ALK: variants seen among roughly 807,000 people sequenced by gnomAD.
ALK encodes the protein ALK receptor tyrosine kinase.
ALK carries 74 observed loss-of-function variants against 163.1 expected under a neutral mutation model. The ratio of observed to expected loss-of-function variants is 0.45; its 90% CI spans 0.38 to 0.55. The LOEUF (loss-of-function observed/expected upper bound fraction) is 0.55. Among genes scored for constraint, ALK ranks in the 20% least tolerant of loss-of-function variants. The probability of loss-of-function intolerance (pLI) is 0.00; values close to 1 mark genes in which losing one functional copy is unlikely to be tolerated. For missense variants in ALK, 2,063 were observed against 2,105.3 expected, an observed-to-expected ratio of 0.98 and a Z score of 0.39; for synonymous variants, 960 against 843.2, an observed-to-expected ratio of 1.14 and a Z score of -2.40.
At chr2:29,546,079 C>T (rs764782490) in intron 3 of ALK, among the ~76,000 whole-genome samples, 5 of 152,178 alleles carry the variant, frequency 3.3e-5, no homozygotes, top group Non-Finnish European at 4.4e-5. Context: ...TACACATAAA[C>T]ATACACATAT....
At chr2:29,230,964 C>T (rs1664184119) in intron 15 of ALK, among the ~76,000 whole-genome samples, 1 of 152,220 alleles carries the variant, frequency 6.6e-6, no homozygotes, top group Non-Finnish European at 1.5e-5. Flanking sequence ...GACCCCCATA[C>T]CCGTTCTGCA....
intron 1 of ALK, among the ~76,000 whole-genome samples, chr2:29,720,601 T>C (rs772214193): frequency 6.6e-6 from 1 of 152,190 alleles, no homozygotes; most frequent in Non-Finnish European, 1.5e-5. Context: ...ATGAATGCAG[T>C]TGTTTTCCAA....
intron 11 of ALK, among the ~76,000 whole-genome samples, chr2:29,272,409 C>A (rs1665416748): frequency 6.6e-6 from 1 of 152,174 alleles, no homozygotes; most frequent in South Asian, 2.1e-4. Context: ...AGGATTTTCC[C>A]AGCCTGGAAA....
chr2:29,704,671 T>G (rs1678843814), intron 2 of ALK, among the ~76,000 whole-genome samples: 1 of 152,164 alleles, frequency 6.6e-6, no homozygotes, highest in African/African-American at 2.4e-5. Context: ...TCCTCCTGCA[T>G]GTATTCTTCT....
At chr2:29,780,329 G>A (rs1412631739) in intron 1 of ALK, among the ~76,000 whole-genome samples, 1 of 152,152 alleles carries the variant, frequency 6.6e-6, no homozygotes, top group African/African-American at 2.4e-5. Flanking sequence ...CCCATTTCCG[G>A]AAAGTGTGAA....
At chr2:29,661,625 T>G (rs940797460) in intron 3 of ALK, among the ~76,000 whole-genome samples, 2 of 152,204 alleles carry the variant, frequency 1.3e-5, no homozygotes, top group Non-Finnish European at 2.9e-5. Context: ...AAGGTATGAC[T>G]GTCTATTTGC....
At chr2:29,309,283 T>C (rs959106074) in intron 8 of ALK, among the ~76,000 whole-genome samples, 45 of 152,018 alleles carry the variant, frequency 3.0e-4, no homozygotes, top group African/African-American at 1.1e-3. Context: ...GTGACATGAA[T>C]GTGTTGCAAT....
At chr2:29,404,229 A>G (rs1669525180) in intron 4 of ALK, among the ~76,000 whole-genome samples, 1 of 150,924 alleles carries the variant, frequency 6.6e-6, no homozygotes, top group Admixed American at 6.6e-5. Flanking sequence ...ACTTGAACCC[A>G]GGAGGCGGAG....
chr2:29,354,797 C>T (rs1405419199), intron 5 of ALK, among the ~76,000 whole-genome samples: 27 of 146,724 alleles, frequency 1.8e-4, no homozygotes, highest in African/African-American at 4.8e-4. Flanking sequence ...GATGGAGTCT[C>T]GCTCTGTCAC....
At chr2:29,478,444 A>T (rs927231845) in intron 4 of ALK, among the ~76,000 whole-genome samples, 3 of 152,226 alleles carry the variant, frequency 2.0e-5, no homozygotes, top group Non-Finnish European at 4.4e-5. Flanking sequence ...CACTGGGCAT[A>T]TATGGAAACA....
At position 29,633,280 on chromosome 2, in the gene ALK, G is replaced by A. The variant is rs117860189; in HGVS notation, c.952+61570C>T. Among the ~76,000 whole-genome samples, 103 of 152,212 alleles carry A rather than the reference G, an allele frequency of 6.8e-4. No individual in the cohort carries two copies. The East Asian group carries it at 0.019, about 27-fold the overall frequency. ...ATCTTTAGAACATGCTGAAAAGGCTGCACTCTTGTTCTGAGCTCAGGAGGT... is the reference window on the plus strand; with the variant it reads ...ATCTTTAGAACATGCTGAAAAGGCTACACTCTTGTTCTGAGCTCAGGAGGT... On this transcript the variant is annotated intron_variant, in intron 3 of 28. Coordinates refer to ENST00000389048, the MANE Select transcript of ALK (RefSeq NM_004304.5).
At chr2:29,787,997 A>T (rs1415329287) in intron 1 of ALK, among the ~76,000 whole-genome samples, 1 of 152,230 alleles carries the variant, frequency 6.6e-6, no homozygotes, top group Non-Finnish European at 1.5e-5. Flanking sequence ...AAAACACATC[A>T]TCATTTGCAG....
At chr2:29,457,823 T>C (rs56067069) in intron 4 of ALK, among the ~76,000 whole-genome samples, 41,367 of 152,066 alleles carry the variant, frequency 0.27, 6,268 homozygotes, top group Non-Finnish European at 0.35. Context: ...TTCCTTCTCA[T>C]GGATGAGGAA....
chr2:29,343,745 G>T (rs1314517532), intron 5 of ALK, among the ~76,000 whole-genome samples: 1 of 152,122 alleles, frequency 6.6e-6, no homozygotes, highest in Admixed American at 6.5e-5. Flanking sequence ...AAAGCATATG[G>T]GGAGACTCTC....
At chr2:29,726,486 C>A (rs1322031050) in intron 1 of ALK, among the ~76,000 whole-genome samples, 2 of 152,156 alleles carry the variant, frequency 1.3e-5, no homozygotes, top group Non-Finnish European at 2.9e-5. Flanking sequence ...AGACCTTTTT[C>A]TTTTGGAGTG....
Position 29,667,976 on chromosome 2 carries a change from T to C in ALK, c.952+26874A>G, listed in dbSNP as rs79466387. On this transcript the variant is annotated intron_variant, in intron 3 of 28. Coordinates refer to ENST00000389048, the MANE Select transcript of ALK (RefSeq NM_004304.5). ...CTTCAATCTCATTACTCATTATTAGTTTATTGAAGTTTTTTATTTCTGCAT... is the reference window on the plus strand; with the variant it reads ...CTTCAATCTCATTACTCATTATTAGCTTATTGAAGTTTTTTATTTCTGCAT... 6.1e-3 allele frequency among the ~76,000 whole-genome samples: 925 copies of C among 152,202 alleles called. 11 individuals are homozygous for C. The highest frequency in any genetic ancestry group is 0.021 in the African/African-American group (872 of 41,568).
At chr2:29,271,343 A>G (rs542584812) in intron 11 of ALK, among the ~76,000 whole-genome samples, 1 of 152,336 alleles carries the variant, frequency 6.6e-6, no homozygotes, top group African/African-American at 2.4e-5. Context: ...TATATGAAAC[A>G]TATAAAACTT....
At chr2:29,442,743 G>T (rs1158392691) in intron 4 of ALK, among the ~76,000 whole-genome samples, 1 of 152,190 alleles carries the variant, frequency 6.6e-6, no homozygotes, top group Non-Finnish European at 1.5e-5. Flanking sequence ...ATGAACTTTC[G>T]ACTGGGCACT....
intron 1 of ALK, chr2:29,890,641 G>A (rs548131044): frequency 8.5e-5 from 13 of 152,240 alleles, no homozygotes; most frequent in African/African-American, 1.2e-4. Context: ...CTCTCTCCAC[G>A]GCCCCTCTGA....
Sources: allele counts gnomAD v4.1 joint callset (sites outside exome capture counted in the v4.1 genomes callset), GRCh38; gene constraint gnomAD v4.1.1; transcripts MANE v1.5; gene names NCBI Gene and HGNC (gene_info 2026-07-23, HGNC 2026-07-21).